The following TECRL variants were observed in gnomAD, a reference collection of about 807,000 sequenced individuals.
TECRL encodes trans-2,3-enoyl-CoA reductase-like.
A neutral mutation model predicts 52.8 loss-of-function variants in TECRL; 63 were observed. The ratio of observed to expected loss-of-function variants is 1.19; its 90% CI spans 0.97 to 1.47. The LOEUF (loss-of-function observed/expected upper bound fraction) is 1.47, where lower values mean the gene tolerates loss of function less well. Among genes scored for constraint, TECRL ranks in the 40% most tolerant of loss-of-function variants. The pLI, the probability that TECRL is intolerant of heterozygous loss-of-function variation, is 0.00. For synonymous variants in TECRL, 164 were observed against 141.9 expected (o/e 1.16, Z -1.10); for missense variants, 482 against 429.6 (o/e 1.12, Z -1.08).
At chr4:64,347,715 G>A (rs1209165935) in intron 2 of TECRL, among the ~76,000 whole-genome samples, 1 of 151,992 alleles carries the variant, frequency 6.6e-6, no homozygotes, top group Non-Finnish European at 1.5e-5. Context: ...AGGAGGAAAC[G>A]GCCCCCATGA....
At chr4:64,335,421 G>A (rs887186483) in intron 2 of TECRL, among the ~76,000 whole-genome samples, 8 of 152,036 alleles carry the variant, frequency 5.3e-5, no homozygotes, top group Admixed American at 3.3e-4. Flanking sequence ...ACAAGTTCAG[G>A]GCTGCCACTG....
At chr4:64,337,620 T>C (rs1312985840) in intron 2 of TECRL, among the ~76,000 whole-genome samples, 1 of 152,086 alleles carries the variant, frequency 6.6e-6, no homozygotes, top group East Asian at 1.9e-4. Flanking sequence ...ACAAGCATTC[T>C]TATACACCAA....
intron 2 of TECRL, among the ~76,000 whole-genome samples, chr4:64,364,700 T>C (rs1298803079): frequency 2.0e-5 from 3 of 151,664 alleles, no homozygotes; most frequent in African/African-American, 4.8e-5. Context: ...CAGATTGAAA[T>C]TGAAAAAAAT....
intron 1 of TECRL, among the ~76,000 whole-genome samples, chr4:64,387,139 C>T (rs995479923): frequency 2.0e-5 from 3 of 152,134 alleles, no homozygotes; most frequent in Admixed American, 6.6e-5. Flanking sequence ...TTTGCCTTCC[C>T]AGAAAGTCAT....
At chr4:64,349,796 G>A (rs940550372) in intron 2 of TECRL, among the ~76,000 whole-genome samples, 3 of 152,006 alleles carry the variant, frequency 2.0e-5, no homozygotes, top group Admixed American at 1.3e-4. Context: ...ATTTCCAGAA[G>A]GGCAATTTCA....
intron 2 of TECRL, among the ~76,000 whole-genome samples, chr4:64,339,441 T>A (rs1014885328): frequency 2.0e-5 from 3 of 150,800 alleles, no homozygotes; most frequent in African/African-American, 4.9e-5. Context: ...TAAAGTATAA[T>A]AAAAATATAT....
chr4:64,282,327 C>G (rs1244874347), intron 9 of TECRL, among the ~76,000 whole-genome samples: 3 of 151,790 alleles, frequency 2.0e-5, no homozygotes, highest in African/African-American at 7.2e-5. Flanking sequence ...TTCTCCATAC[C>G]AAGATTTAAT....
Position 64,279,828 on chromosome 4 carries a change from T to A in TECRL, c.*244A>T. The A allele has an allele frequency of 9.6e-7, 1 of 1,037,122 alleles. No homozygotes were observed. Among genetic ancestry groups the A allele is most frequent in the South Asian group, 4.2e-5 (1 of 23,700 alleles). The allele number at this position is 1,037,122 out of a possible 1,614,324, so 64.2% of individuals were successfully genotyped here. ...GTATTAATGAAGTAAGACAATTTTA[T>A]TCAAGGACCAATCCCATGCAAATAC... is the stretch of plus-strand genomic sequence containing the variant. On this transcript the variant is annotated 3_prime_UTR_variant, in exon 12 of 12. Coordinates refer to ENST00000381210, the MANE Select transcript of TECRL (RefSeq NM_001010874.5).
intron 2 of TECRL, among the ~76,000 whole-genome samples, chr4:64,336,495 G>A (rs1380364493): frequency 6.6e-6 from 1 of 151,988 alleles, no homozygotes; most frequent in Non-Finnish European, 1.5e-5. Context: ...GGTTTTTTGT[G>A]TCTCTATCTC....
intron 1 of TECRL, among the ~76,000 whole-genome samples, chr4:64,402,124 G>A (rs1160104421): frequency 6.6e-6 from 1 of 151,994 alleles, no homozygotes; most frequent in African/African-American, 2.4e-5. Flanking sequence ...GCCTGGATAT[G>A]ACCTATTCTT....
intron 1 of TECRL, among the ~76,000 whole-genome samples, chr4:64,379,231 AACAC>A (rs375375876): frequency 1.7e-5 from 2 of 115,082 alleles, no homozygotes; most frequent in East Asian, 2.7e-4. Context: ...TATTTATGCA[AACAC>A]ACACACACAC....
intron 2 of TECRL, among the ~76,000 whole-genome samples, chr4:64,374,748 T>A (rs1722277649): frequency 6.6e-6 from 1 of 152,120 alleles, no homozygotes; most frequent in Non-Finnish European, 1.5e-5. Flanking sequence ...AACTCATCCT[T>A]TTTTATGGCT....
intron 2 of TECRL, among the ~76,000 whole-genome samples, chr4:64,337,922 A>T (rs956381542): frequency 1.3e-5 from 2 of 152,180 alleles, no homozygotes; most frequent in Non-Finnish European, 2.9e-5. Flanking sequence ...ACAGAATTGG[A>T]AAAAACTACC....
rs1354305264 is a variant in TECRL, at chr4:64,373,980, G to GAT, written c.286+1190_286+1191dup. ...CACTATATGTATACAGTATATAGTA[G>GAT]ATATATATATATCTACTATACTATA... On this transcript the variant is annotated intron_variant, in intron 2 of 11. Coordinates refer to ENST00000381210, the MANE Select transcript of TECRL (RefSeq NM_001010874.5). 4.2e-3 allele frequency among the ~76,000 whole-genome samples: 442 copies of GAT among 105,722 alleles called. 2 individuals carry two copies. The highest frequency in any genetic ancestry group is 5.8e-3 in the Non-Finnish European group (306 of 52,570). 69.4% of individuals were successfully genotyped at this position (105,722 alleles called of 152,430 possible). A position where few individuals can be genotyped will look rare whatever the true frequency, so the allele number is the denominator to read the frequency against.
intron 5 of TECRL, among the ~76,000 whole-genome samples, chr4:64,314,010 C>T (rs191128889): frequency 6.9e-6 from 1 of 144,952 alleles, no homozygotes; most frequent in African/African-American, 2.5e-5. Context: ...ATTAGCTGAG[C>T]ATTGTGGCAA....
At chr4:64,356,717 A>G (rs1200665713) in intron 2 of TECRL, among the ~76,000 whole-genome samples, 3 of 152,268 alleles carry the variant, frequency 2.0e-5, no homozygotes, top group East Asian at 1.9e-4. Flanking sequence ...TCAGAGACCA[A>G]TGCGTTAGCA....
At chr4:64,397,282 T>C (rs966016350) in intron 1 of TECRL, among the ~76,000 whole-genome samples, 2 of 152,126 alleles carry the variant, frequency 1.3e-5, no homozygotes, top group South Asian at 4.2e-4. Context: ...TTCTCTGTAA[T>C]ACCACACTCT....
chr4:64,388,220 CT>C (rs3045235), intron 1 of TECRL, among the ~76,000 whole-genome samples: 68 of 127,104 alleles, frequency 5.3e-4, no homozygotes, highest in African/African-American at 1.4e-3. Context: ...AGTCTAAATC[CT>C]TTTTTTTTTT....
At chr4:64,399,592 G>A (rs1577996642) in intron 1 of TECRL, among the ~76,000 whole-genome samples, 1 of 152,162 alleles carries the variant, frequency 6.6e-6, no homozygotes, top group African/African-American at 2.4e-5. Context: ...TCCTGGGCCA[G>A]GTTTTGAGCC....
Sources: allele counts gnomAD v4.1 joint callset (sites outside exome capture counted in the v4.1 genomes callset), GRCh38; gene constraint gnomAD v4.1.1; transcripts MANE v1.5; gene names NCBI Gene and HGNC (gene_info 2026-07-23, HGNC 2026-07-21).